The following ARAF variants were observed in gnomAD, a reference collection of about 807,000 sequenced individuals.
The protein encoded by ARAF is A-Raf proto-oncogene, serine/threonine kinase, also known as serine/threonine-protein kinase A-Raf.
A neutral mutation model predicts 48.0 loss-of-function variants in ARAF; 18 were observed. That is an observed-to-expected ratio of 0.37 (90% confidence interval 0.26 to 0.56). The LOEUF (loss-of-function observed/expected upper bound fraction) is 0.56, where lower values mean the gene tolerates loss of function less well. ARAF is among the 20% of genes least tolerant of loss of function. The pLI is 0.77. For synonymous variants in ARAF, 207 were observed against 220.1 expected (o/e 0.94, Z 0.53); for missense variants, 389 against 543.1 (o/e 0.72, Z 2.82).
intron 1 of ARAF, among the ~76,000 whole-genome samples, chrX:47,561,745 G>A (rs1454605166): frequency 9.3e-6 from 1 of 107,120 alleles, no homozygotes; most frequent in Non-Finnish European, 1.9e-5. Flanking sequence ...ATATGCCTGT[G>A]ACCCCTCACA....
At chrX:47,561,622 A>T (rs2057708881) in intron 1 of ARAF, among the ~76,000 whole-genome samples, 1 of 108,450 alleles carries the variant, frequency 9.2e-6, no homozygotes, top group African/African-American at 3.4e-5. Context: ...AACGCGGTTC[A>T]CTCCCCGGTT....
intron 10 of ARAF, 72 bp from the exon 11 acceptor site, chrX:47,568,646 A>G: frequency 9.2e-7 from 1 of 1,088,681 alleles, no homozygotes; most frequent in Admixed American, 2.4e-5. Context: ...GAACAGTGCC[A>G]CTCCTGATGC....
chrX:47,565,176 C>T, intron 5 of ARAF, 37 bp downstream of exon 5: 2 of 1,208,153 alleles, frequency 1.7e-6, no homozygotes, highest in Non-Finnish European at 2.2e-6. Context: ...GGATGGGGAG[C>T]ACAGAGGCCC....
rs758823877 is a variant in ARAF, at chrX:47,562,897, G to T, written c.-59-12G>T. ...TTATTGGACCTCTGAATTCTTGTCTGCCTTCTTGTAGGAGCCCCATGGCAC... is the reference window on the plus strand; with the variant it reads ...TTATTGGACCTCTGAATTCTTGTCTTCCTTCTTGTAGGAGCCCCATGGCAC... On this transcript the variant is annotated splice_polypyrimidine_tract_variant and intron_variant, in intron 1 of 15. Coordinates refer to ENST00000377045, the MANE Select transcript of ARAF (RefSeq NM_001654.5). The T allele has an allele frequency of 1.2e-6, 1 of 832,567 alleles. No homozygotes were observed. Among genetic ancestry groups the T allele is most frequent in the Non-Finnish European group, 1.7e-6 (1 of 595,145 alleles). 68.6% of individuals were successfully genotyped at this position (832,567 alleles called of 1,213,427 possible).
intron 12 of ARAF, 180 bp from the exon 13 acceptor site, chrX:47,569,359 T>G (rs867056404): frequency 5.5e-5 from 26 of 475,950 alleles, no homozygotes; most frequent in Middle Eastern, 4.9e-4. Context: ...GGGCTGAGTG[T>G]GGGGGGCATT....
rs947894890 is a variant in ARAF at position 47,570,986 on chromosome X, C to T, written c.1660C>T (p.Arg554Trp). ...GCTGTCTGACTGCCTCAAGTTCCAG[C>T]GGGAGGAGCGGCCCCTCTTCCCCCA... ...RLLSDCLKFQ[R>W]EERPLFPQIL... The change falls in exon 15 of 16, where the codon CGG becomes TGG. Residue 554 changes from arginine (R) to tryptophan (W), a missense_variant. By Grantham distance (101) the Arg-to-Trp change is moderately radical. Coordinates refer to ENST00000377045, the MANE Select transcript of ARAF (RefSeq NM_001654.5). 1.7e-6 allele frequency: 2 copies of T among 1,210,043 alleles called. No homozygotes were observed. The highest frequency in any genetic ancestry group is 2.2e-6 in the Non-Finnish European group (2 of 894,900).
At chrX:47,570,792 C>T in intron 14 of ARAF, 86 bp from the exon 15 acceptor site, 1 of 993,039 alleles carries the variant, frequency 1.0e-6, no homozygotes, top group Non-Finnish European at 1.4e-6. Context: ...TAAAAATGAA[C>T]CTTCCAAGTC....
rs1205210476 is a variant in ARAF, at chrX:47,566,758, C to T, written c.677C>T (p.Pro226Leu). 8.3e-7 allele frequency: 1 copy of T among 1,209,645 alleles called. No individual in the cohort carries two copies. Among genetic ancestry groups the T allele is most frequent in the Non-Finnish European group, 1.1e-6 (1 of 894,355 alleles). Residue 226 changes from proline to leucine, a missense_variant, in exon 7 of 16, where the codon CCC becomes CTC. Around this residue, in one of 4 missense-constraint regions of ARAF, gnomAD observed 154 missense variants for 133.6 expected, o/e 1.15. Transcript: ENST00000377045. ...PNVHMVSTTA[P>L]MDSNLIQLTG... is the part of the protein sequence containing the mutation. ...GTCCATATGGTCAGCACCACGGCCC[C>T]CATGGACTCCAACCTCATCCAGGTT...
At chrX:47,568,506 T>G (rs2057742349) in intron 10 of ARAF, among the ~76,000 whole-genome samples, 1 of 110,044 alleles carries the variant, frequency 9.1e-6, no homozygotes, top group South Asian at 3.9e-4. Context: ...ATGGGGAAGC[T>G]CCACATATGA....
At chrX:47,571,226 T>C in intron 15 of ARAF, 97 bp from the exon 16 acceptor site, 4 of 843,163 alleles carry the variant, frequency 4.7e-6, no homozygotes, top group Non-Finnish European at 6.4e-6. Context: ...TGTGTGTGTG[T>C]GTGTGTGTGT....
intron 15 of ARAF, 82 bp from the exon 16 acceptor site, chrX:47,571,241 G>GTTTCGCCATGAGGC: frequency 9.4e-7 from 1 of 1,060,580 alleles, no homozygotes; most frequent in Middle Eastern, 2.6e-4. Flanking sequence ...GTGTGTGTGT[G>GTTTCGCCATGAGGC]TGTGTGTTTC....
chrX:47,570,075 G>C, intron 14 of ARAF, 51 bp downstream of exon 14: 1 of 1,167,383 alleles, frequency 8.6e-7, no homozygotes. Context: ...ATCCCCTCAG[G>C]CATCCATACC....
chrX:47,569,483 G>C, intron 12 of ARAF, 56 bp from the exon 13 acceptor site: 1 of 1,022,241 alleles, frequency 9.8e-7, no homozygotes. Context: ...AACCTCCCAG[G>C]CAGGGTGAGA....
At position 47,567,006 on chromosome X, in the gene ARAF, A is replaced by G. The variant is rs2147906479; in HGVS notation, c.748A>G (p.Ser250Gly). ...STDAAGSRGGSDGTPRGSPSP... is the reference protein window; with the variant it reads ...STDAAGSRGGGDGTPRGSPSP... ...TGCAGCTGCCGGTAGTAGAGGAGGT[A>G]GTGATGGAACCCCCCGGGGGAGCCC... The change falls in exon 9 of 16, where the codon AGT becomes GGT. Residue 250 changes from serine (S) to glycine (G), a missense_variant. This residue lies in a region of ARAF where 154 missense variants were observed against 133.6 expected (regional missense o/e 1.15). Coordinates refer to ENST00000377045, the MANE Select transcript of ARAF (RefSeq NM_001654.5). 8.3e-7 allele frequency: 1 copy of G among 1,211,662 alleles called. No homozygotes were observed. The highest frequency in any genetic ancestry group is 1.8e-5 in the South Asian group (1 of 57,009).
At chrX:47,567,196 C>A in intron 9 of ARAF, 34 bp from the exon 10 acceptor site, 4 of 1,210,502 alleles carry the variant, frequency 3.3e-6, no homozygotes, top group Non-Finnish European at 4.5e-6. Context: ...GGGATGTGGG[C>A]AGGCCTCTTA....
rs1357153379 is a variant in ARAF at position 47,566,697 on chromosome X, C to T, written c.616C>T (p.Pro206Ser). 1 of 1,202,562 alleles carries T rather than the reference C, an allele frequency of 8.3e-7. No homozygotes were observed. Among genetic ancestry groups the T allele is most frequent in the Non-Finnish European group, 1.1e-6 (1 of 890,944 alleles). ...HFPFPAPANA[P>S]LQRIRSTSTP... is the part of the protein sequence containing the mutation. ...CCCCTTCCCTGCCCCAGCCAATGCC[C>T]CCCTACAGCGCATCCGCTCCACGTC... The change falls in exon 7 of 16, where the codon CCC (proline) becomes TCC (serine). Residue 206 changes from proline (P) to serine (S), a missense_variant. By Grantham distance (74) the Pro-to-Ser change is moderately conservative. This residue lies in a region of ARAF where 154 missense variants were observed against 133.6 expected (regional missense o/e 1.15). Coordinates refer to ENST00000377045, the MANE Select transcript of ARAF (RefSeq NM_001654.5).
At chrX:47,566,267 T>A (rs2057732158) in intron 6 of ARAF, among the ~76,000 whole-genome samples, 1 of 112,381 alleles carries the variant, frequency 8.9e-6, no homozygotes, top group East Asian at 2.8e-4. Context: ...AGGCGTTTAC[T>A]CCATTGTCAT....
intron 14 of ARAF, 54 bp from the exon 15 acceptor site, chrX:47,570,817 TCCTTGGG>T (rs1233191598): frequency 8.8e-7 from 1 of 1,130,884 alleles, no homozygotes. Context: ...AATACAAAAT[TCCTTGGG>T]CCTCCCAGCC....
In ARAF at chrX:47,567,235, C is replaced by A. The variant is rs781240605; in HGVS notation, c.879C>A (p.Asn293Lys). The A allele has an allele frequency of 2.7e-5, 33 of 1,209,763 alleles. No homozygotes were observed. Among genetic ancestry groups the A allele is most frequent in the Admixed American group, 6.5e-5 (3 of 45,810 alleles). The change falls in exon 10 of 16, where the codon AAC (asparagine) becomes AAA (lysine). Residue 293 changes from asparagine (N) to lysine (K), a missense_variant. Around this residue, in one of 4 missense-constraint regions of ARAF, gnomAD observed 154 missense variants for 133.6 expected, o/e 1.15. Coordinates refer to ENST00000377045, the MANE Select transcript of ARAF (RefSeq NM_001654.5). ...SLADDKKKVK[N>K]LGYRDSGYYW... ...GCCACCCATCTGGCCCACAGAAGAA[C>A]CTGGGGTACCGGGACTCAGGCTATT...
Sources: gnomAD v4.1 joint callset for allele counts (sites outside exome capture counted in the v4.1 genomes callset) on GRCh38, gnomAD v4.1.1 for gene constraint, gnomAD v4.1.1 regional missense constraint, MANE v1.5 for transcripts, NCBI Gene and HGNC (gene_info 2026-07-23, HGNC 2026-07-21) for gene names.